Variants in SCAF11 observed in about 807,000 individuals in gnomAD.
SCAF11 encodes SR-related CTD associated factor 11.
Under a neutral mutation model 140.5 loss-of-function variants are expected in SCAF11, and 47 were observed. That is an observed-to-expected ratio of 0.33 (90% CI 0.26 to 0.43). SCAF11 has a LOEUF of 0.43. Ranked by LOEUF, SCAF11 falls within the 20% of genes least tolerant of loss-of-function variation. SCAF11 has a pLI of 1.00. For missense variants in SCAF11, 1,645 were observed against 1,705.1 expected (o/e 0.96, Z 0.62); for synonymous variants, 557 against 579.4 (o/e 0.96, Z 0.55).
At chr12:45,932,136 C>T (rs1449551147) in intron 9 of SCAF11, among the ~76,000 whole-genome samples, 1 of 151,910 alleles carries the variant, frequency 6.6e-6, no homozygotes, top group Non-Finnish European at 1.5e-5. Flanking sequence ...CCTTTGTATC[C>T]TTCTCCCTCC....
At chr12:45,930,101 C>T in intron 10 of SCAF11, 1 of 152,288 alleles carries the variant, frequency 6.6e-6, no homozygotes, top group South Asian at 2.1e-4. Context: ...TAATGCTGTA[C>T]TGTATTTATT....
In SCAF11 at chr12:45,928,874, A is replaced by T. The variant is rs1409594849; in HGVS notation, c.842-15T>A. 20 of 1,356,408 alleles carry T rather than the reference A, an allele frequency of 1.5e-5. No individual in the cohort carries two copies. The highest frequency in any genetic ancestry group is 3.6e-5 in the South Asian group (2 of 56,014). 84.0% of individuals were successfully genotyped at this position (1,356,408 alleles called of 1,614,324 possible). The stretch of plus-strand genomic sequence containing the variant: ...GCAAGAAGTACCTAATAATATTTAA[A>T]AAAAAAAAAAAAGTAAAAAATATGT... On this transcript the variant is annotated splice_polypyrimidine_tract_variant and intron_variant, in intron 10 of 14. Transcript: ENST00000369367.
chr12:45,939,180 G>A (rs530381199), intron 6 of SCAF11, among the ~76,000 whole-genome samples: 1 of 150,884 alleles, frequency 6.6e-6, no homozygotes, highest in East Asian at 1.9e-4. Context: ...AAACTCAAGG[G>A]GCTTGACTTC....
In SCAF11 at chr12:45,990,555, G is replaced by C. The variant is rs989501547; in HGVS notation, c.-224C>G. On this transcript the variant is annotated 5_prime_UTR_variant, in exon 1 of 15. Transcript: ENST00000369367. ...CGACCCAGGTTGCGCTGCTCCGCGCGGCTTAAGCCACCGCTACTCCCCCTT... is the reference window on the plus strand; with the variant it reads ...CGACCCAGGTTGCGCTGCTCCGCGCCGCTTAAGCCACCGCTACTCCCCCTT... The C allele has an allele frequency of 8.1e-7, 1 of 1,231,498 alleles. No homozygotes were observed. The highest frequency in any genetic ancestry group is 1.0e-6 in the Non-Finnish European group (1 of 988,034). The allele number at this position is 1,231,498 out of a possible 1,614,324, so 76.3% of individuals were successfully genotyped here.
At chr12:45,954,730 T>C (rs1945639476) in intron 3 of SCAF11, 2 of 133,176 alleles carry the variant, frequency 1.5e-5, no homozygotes, top group Admixed American at 7.5e-5. Context: ...TCACCGTGCC[T>C]AGCTTTTTTT....
At chr12:45,939,784 CA>C in intron 6 of SCAF11, among the ~76,000 whole-genome samples, 1 of 152,306 alleles carries the variant, frequency 6.6e-6, no homozygotes, top group East Asian at 1.9e-4. Context: ...TCTAACCAAT[CA>C]ATCCTAGATA....
chr12:45,945,157 C>A, intron 6 of SCAF11, 92 bp downstream of exon 6: 1 of 788,806 alleles, frequency 1.3e-6, no homozygotes, highest in East Asian at 2.5e-5. Context: ...TATTTTCCAG[C>A]CTGAAGTGTT....
At chr12:45,990,083 A>AGGC (rs1256229095) in intron 1 of SCAF11, among the ~76,000 whole-genome samples, 1 of 151,590 alleles carries the variant, frequency 6.6e-6, no homozygotes, top group Admixed American at 6.6e-5. Context: ...TGCGACAGAG[A>AGGC]GGCGGCGGCG....
chr12:45,956,174 C>T, intron 3 of SCAF11: 2 of 716,822 alleles, frequency 2.8e-6, no homozygotes, highest in Non-Finnish European at 5.2e-6. Flanking sequence ...ATCACATAGG[C>T]TGCTTATAGA....
intron 6 of SCAF11, among the ~76,000 whole-genome samples, chr12:45,938,096 TC>T (rs374422916): frequency 3.9e-4 from 59 of 152,254 alleles, no homozygotes; most frequent in African/African-American, 1.3e-3. Flanking sequence ...CAATTTACCA[TC>T]CCCCTCATAC....
chr12:45,934,232 A>C lies in SCAF11; in HGVS notation c.576T>G (p.Asn192Lys). 1 of 1,612,178 alleles carries C rather than the reference A, an allele frequency of 6.2e-7. No individual in the cohort carries two copies. Among genetic ancestry groups the C allele is most frequent in the Non-Finnish European group, 8.5e-7 (1 of 1,178,798 alleles). Reference protein sequence around the residue: ...TNQCFRNFFSNMFSSVSHSGE... With the variant: ...TNQCFRNFFSKMFSSVSHSGE... Reference sequence around the variant, plus strand: ...CAGAGTGGCTAACAGAAGAAAACATATTGGAGAAAAAATTTCTGAAGCACT... The same window carrying C: ...CAGAGTGGCTAACAGAAGAAAACATCTTGGAGAAAAAATTTCTGAAGCACT... Residue 192 changes from asparagine to lysine, a missense_variant, in exon 8 of 15, where the codon AAT (asparagine) becomes AAG (lysine). Asn to Lys is a moderately conservative substitution (Grantham distance 94). This residue lies in a region of SCAF11 where 1,582 missense variants were observed against 1,609.2 expected (regional missense o/e 0.98). Transcript: ENST00000369367.
chr12:45,974,819 C>G (rs1307892687), intron 1 of SCAF11: 2 of 153,820 alleles, frequency 1.3e-5, no homozygotes, highest in Non-Finnish European at 2.9e-5. Flanking sequence ...TTTATGGCAT[C>G]TAGAATGGTG....
chr12:45,958,013 C>T (rs149514400), intron 3 of SCAF11, among the ~76,000 whole-genome samples: 1,886 of 152,142 alleles, frequency 0.012, 19 homozygotes, highest in Non-Finnish European at 0.018. Context: ...CAACCTCCCC[C>T]CATCAGCTTC....
rs1944933340 is a variant in SCAF11 at position 45,927,994 on chromosome 12, A to C, written c.1707T>G (p.Ser569Arg). ...CTGACTCTACATTCTCAGATAAGTC[A>C]CTTAGGGGACAAGATACAGGTTGGT... The part of the protein sequence containing the change: ...KVYQPVSCPL[S>R]DLSENVESVV... The change falls in exon 11 of 15, where the codon AGT becomes AGG. Residue 569 changes from serine (S) to arginine (R), a missense_variant. Ser to Arg is a moderately radical substitution (Grantham distance 110). Transcript: ENST00000369367. The C allele has an allele frequency of 1.2e-6, 2 of 1,613,068 alleles. No individual in the cohort carries two copies. The highest frequency in any genetic ancestry group is 1.3e-5 in the African/African-American group (1 of 74,932).
At position 45,924,764 on chromosome 12, in the gene SCAF11, G is replaced by A. The variant is rs1171277865; in HGVS notation, c.3870C>T (p.Asn1290=). 23 of 1,315,014 alleles carry A rather than the reference G, an allele frequency of 1.7e-5. No individual in the cohort carries two copies. The highest frequency in any genetic ancestry group is 2.5e-5 in the Non-Finnish European group (23 of 916,966). 81.5% of individuals were successfully genotyped at this position (1,315,014 alleles called of 1,614,324 possible). ...PPPPPPSQQV[N]YIASQPDGKQ... is the part of the protein sequence containing the mutation. ...TTCCATCTGGTTGTGAAGCAATGTA[G>A]TTGACTTGTTGGGATGGTGGGGGAG... Residue 1290 remains asparagine, a synonymous_variant, in exon 12 of 15, where the codon AAC becomes AAT. Transcript: ENST00000369367.
At position 45,926,754 on chromosome 12, in the gene SCAF11, G is replaced by C. The variant is rs377258916; in HGVS notation, c.2947C>G (p.Arg983Gly). Residue 983 changes from arginine to glycine, a missense_variant, in exon 11 of 15, where the codon CGG becomes GGG. Physicochemically the swap from Arg to Gly is moderately radical, Grantham distance 125. Transcript: ENST00000369367. ...TTCTCTGGGTCATTCTTTCTGTACC[G>C]ATCATTTCCTCGTGGACATCTCCAA... ...DGWRCPRGND[R>G]YRKNDPEKQN... 6.2e-7 allele frequency: 1 copy of C among 1,613,796 alleles called. No individual in the cohort carries two copies. The highest frequency in any genetic ancestry group is 2.2e-5 in the East Asian group (1 of 44,862).
At chr12:45,961,913 T>C (rs1945843232) in intron 2 of SCAF11, 56 bp from the exon 3 acceptor site, 10 of 1,472,680 alleles carry the variant, frequency 6.8e-6, no homozygotes, top group Non-Finnish European at 9.2e-6. Flanking sequence ...AAAAATCTTG[T>C]GTTTCTAGGA....
chr12:45,935,123 C>CT (rs1222108008), intron 6 of SCAF11: 2 of 152,244 alleles, frequency 1.3e-5, no homozygotes, highest in African/African-American at 4.8e-5. Flanking sequence ...CATATGACAA[C>CT]TGCCTTTTAA....
chr12:45,929,877 C>G (rs979931808), intron 10 of SCAF11: 1 of 152,090 alleles, frequency 6.6e-6, no homozygotes, highest in African/African-American at 2.4e-5. Flanking sequence ...TATAGTCGAC[C>G]CTTTAACAAC....
Sources: gnomAD v4.1 joint callset for allele counts (sites outside exome capture counted in the v4.1 genomes callset) on GRCh38, gnomAD v4.1.1 for gene constraint, gnomAD v4.1.1 regional missense constraint, MANE v1.5 for transcripts, NCBI Gene and HGNC (gene_info 2026-07-23, HGNC 2026-07-21) for gene names.